DTL: variants seen among roughly 807,000 people sequenced by gnomAD.
DTL encodes the protein denticleless E3 ubiquitin protein ligase adapter, also known as denticleless protein homolog.
A neutral mutation model predicts 87.0 loss-of-function variants in DTL; 46 were observed. The observed-to-expected ratio is 0.53, with a 90% CI of 0.42 to 0.68. The LOEUF (loss-of-function observed/expected upper bound fraction) is 0.68. Ranked by LOEUF, DTL falls within the 30% of genes least tolerant of loss-of-function variation. The pLI, the probability that DTL is intolerant of heterozygous loss-of-function variation, is 0.00. For synonymous variants in DTL, 308 were observed against 311.2 expected (o/e 0.99, Z 0.11); for missense variants, 737 against 869.4 (o/e 0.85, Z 1.91).
intron 11 of DTL, chr1:212,077,817 A>G (rs11119844): frequency 5.6e-6 from 1 of 178,846 alleles, no homozygotes. Flanking sequence ...AAGGATGGAT[A>G]ACATCCTTCC....
At chr1:212,044,618 A>AAAT in intron 2 of DTL, 42 bp from the exon 3 acceptor site, 2 of 1,265,736 alleles carry the variant, frequency 1.6e-6, no homozygotes, top group Non-Finnish European at 2.2e-6. Flanking sequence ...AAAAAAAAAA[A>AAAT]TTGTGTTACT....
At chr1:212,046,352 T>C (rs112003663) in intron 3 of DTL, among the ~76,000 whole-genome samples, 3,996 of 152,286 alleles carry the variant, frequency 0.026, 59 homozygotes, top group African/African-American at 0.047. Context: ...TAGGTAAACA[T>C]GTGCCGTGGT....
intron 5 of DTL, among the ~76,000 whole-genome samples, chr1:212,059,839 T>G: frequency 8.7e-6 from 1 of 114,514 alleles, no homozygotes; most frequent in East Asian, 2.2e-4. Flanking sequence ...AGTTGCAGAA[T>G]ACAAAATCAA....
At chr1:212,043,156 A>T in intron 2 of DTL, 38 bp downstream of exon 2, 1 of 1,589,494 alleles carries the variant, frequency 6.3e-7, no homozygotes, top group Non-Finnish European at 8.6e-7. Flanking sequence ...TTGGACAGAA[A>T]TGATCTATTT....
At chr1:212,038,652 G>A (rs1375409639) in intron 1 of DTL, among the ~76,000 whole-genome samples, 1 of 152,096 alleles carries the variant, frequency 6.6e-6, no homozygotes, top group African/African-American at 2.4e-5. Context: ...ATGCCTTCTT[G>A]TCTGGATTGT....
At chr1:212,097,592 T>C (rs1268135076) in intron 13 of DTL, among the ~76,000 whole-genome samples, 8 of 152,122 alleles carry the variant, frequency 5.3e-5, no homozygotes, top group Admixed American at 5.2e-4. Flanking sequence ...ATTTATGATA[T>C]CTATTTCTCT....
chr1:212,103,894 T>A lies in DTL; in HGVS notation c.*954T>A, dbSNP rs1271731005. The A allele has an allele frequency of 2.6e-5, 4 of 152,206 alleles. No individual in the cohort carries two copies. Among genetic ancestry groups the A allele is most frequent in the Non-Finnish European group, 5.9e-5 (4 of 68,036 alleles). The allele number at this position is 152,206 out of a possible 1,614,324, so 9.4% of individuals were successfully genotyped here. A position where few individuals can be genotyped will look rare whatever the true frequency, so the allele number is the denominator to read the frequency against. ...ATATTTTTGTAACAGAATATAGCTC[T>A]TAACTGAAAATCCAGAACCAGAAAC... On this transcript the variant is annotated 3_prime_UTR_variant, in exon 15 of 15. Transcript: ENST00000366991.
chr1:212,037,540 C>T (rs972497177), intron 1 of DTL, among the ~76,000 whole-genome samples: 1 of 152,174 alleles, frequency 6.6e-6, no homozygotes, highest in Non-Finnish European at 1.5e-5. Flanking sequence ...TATAACTAAA[C>T]TAACTCTACC....
chr1:212,057,411 C>T (rs1668210709), intron 5 of DTL, among the ~76,000 whole-genome samples: 1 of 149,846 alleles, frequency 6.7e-6, no homozygotes, highest in Admixed American at 6.6e-5. Context: ...TAAAATTATC[C>T]TTCATAAATA....
At position 212,047,220 on chromosome 1, in the gene DTL, A is replaced by AT; in HGVS notation, c.339+8_339+9insT. On this transcript the variant is annotated intron_variant, in intron 4 of 14. Transcript: ENST00000366991. ...CCTGGTGAACTTAAACTTGTAAGTG[A>AT]CTTTATTTCATTAGGATCTGGGTAA... is the stretch of plus-strand genomic sequence containing the variant. The AT allele has an allele frequency of 6.2e-7, 1 of 1,614,158 alleles. No individual in the cohort carries two copies. Among genetic ancestry groups the AT allele is most frequent in the African/African-American group, 1.3e-5 (1 of 75,050 alleles).
At chr1:212,071,322 C>A (rs1230358187) in intron 10 of DTL, among the ~76,000 whole-genome samples, 1 of 152,076 alleles carries the variant, frequency 6.6e-6, no homozygotes, top group African/African-American at 2.4e-5. Context: ...CTTGTATTTC[C>A]TAGTAGTGTT....
intron 9 of DTL, 55 bp from the exon 10 acceptor site, chr1:212,068,544 C>G (rs1441433576): frequency 5.2e-6 from 6 of 1,155,306 alleles, no homozygotes; most frequent in Non-Finnish European, 6.5e-6. Context: ...TACATTTTAA[C>G]CTCAGATCTA....
chr1:212,045,551 TAAAAC>T (rs1156871100), intron 3 of DTL, among the ~76,000 whole-genome samples: 1 of 152,074 alleles, frequency 6.6e-6, no homozygotes, highest in Non-Finnish European at 1.5e-5. Flanking sequence ...ATAACTGAAA[TAAAAC>T]AAAGACTATA....
chr1:212,097,488 C>T (rs975860836), intron 13 of DTL, among the ~76,000 whole-genome samples: 1 of 151,934 alleles, frequency 6.6e-6, no homozygotes, highest in Non-Finnish European at 1.5e-5. Flanking sequence ...AAAATTCTTT[C>T]TTCTACTTGT....
chr1:212,047,822 C>T (rs773601742), intron 5 of DTL, among the ~76,000 whole-genome samples: 1 of 152,180 alleles, frequency 6.6e-6, no homozygotes, highest in Non-Finnish European at 1.5e-5. Context: ...AGGCGTGAGC[C>T]GCTGCACCCA....
At chr1:212,056,829 A>G (rs1346551167) in intron 5 of DTL, among the ~76,000 whole-genome samples, 1 of 152,184 alleles carries the variant, frequency 6.6e-6, no homozygotes, top group Non-Finnish European at 1.5e-5. Context: ...GAACTACAGA[A>G]TTCATTTAAT....
chr1:212,066,948 C>A, intron 8 of DTL, 63 bp downstream of exon 8: 6 of 1,319,430 alleles, frequency 4.5e-6, no homozygotes, highest in Non-Finnish European at 5.4e-6. Context: ...ATGAGGCAGT[C>A]ACATAGTCTC....
intron 5 of DTL, among the ~76,000 whole-genome samples, chr1:212,060,248 T>C (rs113501428): frequency 1.2e-3 from 175 of 152,060 alleles, no homozygotes; most frequent in African/African-American, 4.2e-3. Flanking sequence ...GCTAATATAA[T>C]AACTAAAACA....
In DTL at chr1:212,100,295, G is replaced by C; in HGVS notation, c.1305G>C (p.Arg435Ser). Reference sequence around the variant, plus strand: ...AGAGTACTCCTGCCAAAGCCCCCAGGGCAAAGTGCAATCCATCCAATTCTT... The same window carrying C: ...AGAGTACTCCTGCCAAAGCCCCCAGCGCAAAGTGCAATCCATCCAATTCTT... Reference protein sequence around the residue: ...SSQSTPAKAPRAKCNPSNSSP... With the variant: ...SSQSTPAKAPSAKCNPSNSSP... Residue 435 changes from arginine (R) to serine (S), a missense_variant, in exon 14 of 15, where the codon AGG becomes AGC. Coordinates refer to ENST00000366991, the MANE Select transcript of DTL (RefSeq NM_016448.4). 1 of 1,601,260 alleles carries C rather than the reference G, an allele frequency of 6.2e-7. No individual in the cohort carries two copies. Among genetic ancestry groups the C allele is most frequent in the Non-Finnish European group, 8.5e-7 (1 of 1,174,814 alleles).
Sources: gnomAD v4.1 joint callset for allele counts (sites outside exome capture counted in the v4.1 genomes callset) on GRCh38, gnomAD v4.1.1 for gene constraint, MANE v1.5 for transcripts, NCBI Gene and HGNC (gene_info 2026-07-23, HGNC 2026-07-21) for gene names.